Variants in PTPRD observed in about 807,000 individuals in gnomAD.
The protein encoded by PTPRD is protein tyrosine phosphatase receptor type D.
PTPRD carries 34 observed loss-of-function variants against 214.5 expected under a neutral mutation model. That is an observed-to-expected ratio of 0.16 (90% CI 0.12 to 0.21). The LOEUF is 0.21. Among genes scored for constraint, PTPRD ranks in the 10% least tolerant of loss-of-function variants. The pLI is 1.00. For missense variants in PTPRD, 2,545 were observed against 2,398.7 expected (o/e 1.06, Z -1.27); for synonymous variants, 1,128 against 845.7 (o/e 1.33, Z -5.79).
intron 8 of PTPRD, among the ~76,000 whole-genome samples, chr9:9,466,609 C>G (rs1467013921): frequency 6.6e-6 from 1 of 152,128 alleles, no homozygotes; most frequent in Non-Finnish European, 1.5e-5. Flanking sequence ...CAAGCCTTCC[C>G]CATTTCTCCT....
At position 10,161,597 on chromosome 9, in the gene PTPRD, T is replaced by A. The variant is rs527426663; in HGVS notation, c.-544-127807A>T. ...AAGACTTGAAACCCTGAAACTATTA[T>A]AAGAAAATTTAAGGATATGCTTCAG... On this transcript the variant is annotated intron_variant, in intron 3 of 45. Coordinates refer to ENST00000381196, the MANE Select transcript of PTPRD (RefSeq NM_002839.4). Among the ~76,000 whole-genome samples the A allele has an allele frequency of 1.1e-4, 17 of 151,854 alleles. No homozygotes were observed. The East Asian group carries it at 3.1e-3, about 28-fold the overall frequency.
chr9:8,535,726 T>C (rs911924311), intron 14 of PTPRD, among the ~76,000 whole-genome samples: 2 of 151,920 alleles, frequency 1.3e-5, no homozygotes, highest in Non-Finnish European at 2.9e-5. Flanking sequence ...AGTTTTGTTT[T>C]TTCATCTCAA....
At chr9:9,609,066 C>T (rs1040241460) in intron 7 of PTPRD, among the ~76,000 whole-genome samples, 9 of 152,042 alleles carry the variant, frequency 5.9e-5, no homozygotes, top group Non-Finnish European at 8.8e-5. Flanking sequence ...AAATATAGAT[C>T]TGTGAGTCTA....
chr9:9,556,235 G>T (rs1019065389), intron 8 of PTPRD, among the ~76,000 whole-genome samples: 1 of 152,154 alleles, frequency 6.6e-6, no homozygotes, highest in Non-Finnish European at 1.5e-5. Context: ...TATATTTACT[G>T]TTAAGTGAAA....
At chr9:9,514,395 T>G (rs529082151) in intron 8 of PTPRD, among the ~76,000 whole-genome samples, 1 of 152,102 alleles carries the variant, frequency 6.6e-6, no homozygotes, top group Non-Finnish European at 1.5e-5. Context: ...TGGAGCTGTG[T>G]GTGTAAAACA....
Position 9,327,076 on chromosome 9 carries a change from T to C in PTPRD, c.-203+70373A>G, listed in dbSNP as rs565110100. Among the ~76,000 whole-genome samples the C allele has an allele frequency of 3.3e-5, 5 of 152,292 alleles. No homozygotes were observed. The South Asian group carries it at 1.0e-3, about 32-fold the overall frequency. ...CAATTGATTTTAAAACATGCAGCTG[T>C]TCTGTAGTTTAGCAAGAACAATCAT... On this transcript the variant is annotated intron_variant, in intron 9 of 45. Coordinates refer to ENST00000381196, the MANE Select transcript of PTPRD (RefSeq NM_002839.4).
At chr9:9,363,774 A>C (rs192128135) in intron 9 of PTPRD, among the ~76,000 whole-genome samples, 38 of 151,474 alleles carry the variant, frequency 2.5e-4, no homozygotes, top group African/African-American at 8.9e-4. Context: ...AAAACTTAGA[A>C]ACCATCGATA....
intron 3 of PTPRD, among the ~76,000 whole-genome samples, chr9:10,289,084 G>A (rs1164250971): frequency 1.3e-5 from 2 of 151,234 alleles, no homozygotes; most frequent in Admixed American, 6.6e-5. Flanking sequence ...CCAAAGGCCA[G>A]TTTCAAATTT....
intron 5 of PTPRD, among the ~76,000 whole-genome samples, chr9:9,901,655 T>G (rs562474629): frequency 3.9e-5 from 6 of 152,012 alleles, no homozygotes; most frequent in African/African-American, 1.4e-4. Context: ...TAGTGGTGAG[T>G]TGATTATATT....
chr9:9,457,669 C>T (rs2093199738), intron 8 of PTPRD, among the ~76,000 whole-genome samples: 1 of 151,972 alleles, frequency 6.6e-6, no homozygotes, highest in African/African-American at 2.4e-5. Flanking sequence ...TTCTTTTGTA[C>T]AACATGTTAC....
intron 4 of PTPRD, among the ~76,000 whole-genome samples, chr9:10,023,027 C>T (rs1033576146): frequency 4.6e-5 from 7 of 152,024 alleles, no homozygotes; most frequent in African/African-American, 1.7e-4. Flanking sequence ...TATTCTTTGT[C>T]CAACTGTTAA....
intron 15 of PTPRD, chr9:8,528,226 G>C (rs1234625021): frequency 7.0e-6 from 3 of 426,278 alleles, no homozygotes; most frequent in East Asian, 3.5e-5. Flanking sequence ...TCTGAATGAA[G>C]TCCAATGTTG....
intron 5 of PTPRD, among the ~76,000 whole-genome samples, chr9:9,902,607 C>T (rs997142820): frequency 6.6e-6 from 1 of 152,160 alleles, no homozygotes; most frequent in Non-Finnish European, 1.5e-5. Flanking sequence ...TTCAACTTTG[C>T]TCACCTGACT....
chr9:9,979,225 T>A (rs981668258), intron 4 of PTPRD, among the ~76,000 whole-genome samples: 1 of 151,934 alleles, frequency 6.6e-6, no homozygotes, highest in Non-Finnish European at 1.5e-5. Context: ...TGAGTATAAA[T>A]ATAAAAGCCT....
intron 2 of PTPRD, among the ~76,000 whole-genome samples, chr9:10,362,146 C>G (rs1024999862): frequency 2.0e-5 from 3 of 152,014 alleles, no homozygotes; most frequent in Admixed American, 1.3e-4. Flanking sequence ...TGTACATAAG[C>G]CAAAGCTTGA....
chr9:9,902,172 T>C (rs1324302309), intron 5 of PTPRD, among the ~76,000 whole-genome samples: 1 of 152,146 alleles, frequency 6.6e-6, no homozygotes, highest in Non-Finnish European at 1.5e-5. Context: ...TTCTATTTTA[T>C]AATTCTAAGC....
In PTPRD at chr9:8,501,034, A is replaced by T. The variant is rs2097393383; in HGVS notation, c.1848T>A (p.Ile616=). ...QSKPSAPPQD[I]SCTSPSSTSI... The stretch of plus-strand genomic sequence containing the variant: ...TAGTGGAACTTGGGCTGGTGCAACT[A>T]ATGTCTTGAGGAGGAGCTGACGGCT... Residue 616 remains isoleucine, a synonymous_variant, in exon 24 of 46, where the codon ATT becomes ATA. Coordinates refer to ENST00000381196, the MANE Select transcript of PTPRD (RefSeq NM_002839.4). The T allele has an allele frequency of 6.2e-7, 1 of 1,613,876 alleles. No homozygotes were observed. The highest frequency in any genetic ancestry group is 1.1e-5 in the South Asian group (1 of 91,066).
intron 2 of PTPRD, among the ~76,000 whole-genome samples, chr9:10,544,829 A>G (rs2059863546): frequency 6.6e-6 from 1 of 152,208 alleles, no homozygotes; most frequent in Admixed American, 6.5e-5. Context: ...CTACATTTCA[A>G]TGACAAAATA....
intron 5 of PTPRD, among the ~76,000 whole-genome samples, chr9:9,841,611 C>T (rs1028469968): frequency 1.3e-4 from 20 of 152,092 alleles, no homozygotes; most frequent in African/African-American, 4.6e-4. Context: ...GTTTCATTTC[C>T]TTTGCACCAT....
Sources: allele counts gnomAD v4.1 joint callset (sites outside exome capture counted in the v4.1 genomes callset), GRCh38; gene constraint gnomAD v4.1.1; transcripts MANE v1.5; gene names NCBI Gene and HGNC (gene_info 2026-07-23, HGNC 2026-07-21).